DDX19A: variants seen among roughly 807,000 people sequenced by gnomAD.
DDX19A encodes DEAD-box helicase 19A, also known as ATP-dependent RNA helicase DDX19A.
Under a neutral mutation model 60.6 loss-of-function variants are expected in DDX19A, and 12 were observed. The ratio of observed to expected loss-of-function variants is 0.20; its 90% confidence interval spans 0.13 to 0.32. The LOEUF is 0.32. DDX19A is among the 10% of genes least tolerant of loss of function. The probability of loss-of-function intolerance (pLI) is 1.00; values close to 1 mark genes in which losing one functional copy is unlikely to be tolerated. For missense variants in DDX19A, 337 were observed against 600.6 expected (o/e 0.56, Z 4.59); for synonymous variants, 206 against 218.2 (o/e 0.94, Z 0.49).
intron 1 of DDX19A, among the ~76,000 whole-genome samples, chr16:70,347,476 G>T (rs1005997887): frequency 6.6e-6 from 1 of 152,130 alleles, no homozygotes; most frequent in Non-Finnish European, 1.5e-5. Flanking sequence ...TTGACTTTTG[G>T]ATTTAATACC....
chr16:70,368,931 A>T (rs748574552), intron 9 of DDX19A, among the ~76,000 whole-genome samples: 1 of 151,938 alleles, frequency 6.6e-6, no homozygotes, highest in South Asian at 2.1e-4. Context: ...CAGTGGTGCA[A>T]TCTCGGTTCA....
intron 3 of DDX19A, chr16:70,355,834 C>A: frequency 1.7e-6 from 1 of 577,542 alleles, no homozygotes; most frequent in Admixed American, 3.0e-5. Flanking sequence ...TGGTAGCACA[C>A]ACCTGTACTC....
In DDX19A at chr16:70,364,858, AC is replaced by A. The variant is rs575510689; in HGVS notation, c.490-157del. The A allele has an allele frequency of 4.3e-4, 291 of 680,714 alleles. 2 individuals carry two copies. The East Asian group carries it at 6.7e-3, about 16-fold the overall frequency. The allele number at this position is 680,714 out of a possible 1,614,324, so 42.2% of individuals were successfully genotyped here. A position where few individuals can be genotyped will look rare whatever the true frequency, so the allele number is the denominator to read the frequency against. Reference sequence around the variant, plus strand: ...CAAAGGCCTCTGCCAAGCCAGGGCTACCTGCTGCAGGCTTCAGTCTATGGCT... The same window carrying A: ...CAAAGGCCTCTGCCAAGCCAGGGCTACTGCTGCAGGCTTCAGTCTATGGCT... On this transcript the variant is annotated intron_variant, in intron 6 of 11. Coordinates refer to ENST00000302243, the MANE Select transcript of DDX19A (RefSeq NM_018332.5).
At chr16:70,369,601 CT>C (rs895324026) in intron 9 of DDX19A, among the ~76,000 whole-genome samples, 8 of 142,518 alleles carry the variant, frequency 5.6e-5, no homozygotes, top group Admixed American at 2.8e-4. Flanking sequence ...TATAAATTTT[CT>C]TTTTTTTTTC....
rs749593265 is a variant in DDX19A at position 70,371,962 on chromosome 16, C to T, written c.1413C>T (p.Asp471=). ...KIERLDTDDL[D]EIEKIAN ...AAAGATTGGACACAGATGATTTGGA[C>T]GAGATTGAGAAAATAGCCAACTGAG... Residue 471 remains aspartate (D), a synonymous_variant, in exon 12 of 12, where the codon GAC becomes GAT. Coordinates refer to ENST00000302243, the MANE Select transcript of DDX19A (RefSeq NM_018332.5). 35 of 1,613,824 alleles carry T rather than the reference C, an allele frequency of 2.2e-5. No homozygotes were observed. Among genetic ancestry groups the T allele is most frequent in the Admixed American group, 1.3e-4 (8 of 59,984 alleles).
intron 9 of DDX19A, among the ~76,000 whole-genome samples, chr16:70,367,098 C>G (rs1964542030): frequency 6.6e-6 from 1 of 152,088 alleles, no homozygotes; most frequent in East Asian, 1.9e-4. Context: ...TTGCACAACC[C>G]AAGAGAATCA....
chr16:70,369,369 G>A lies in DDX19A; in HGVS notation c.1021-854G>A, dbSNP rs143349008. On this transcript the variant is annotated intron_variant, in intron 9 of 11. Coordinates refer to ENST00000302243, the MANE Select transcript of DDX19A (RefSeq NM_018332.5). ...TAATTTTTGTATTTTTAGCAGAGAC[G>A]GGGTTTCACCATGTTGGTCAGGCTT... Among the ~76,000 whole-genome samples, 259 of 150,750 alleles carry A rather than the reference G, an allele frequency of 1.7e-3. 2 individuals are homozygous for A. Among genetic ancestry groups the A allele is most frequent in the Middle Eastern group, 6.8e-3 (2 of 292 alleles).
intron 1 of DDX19A, among the ~76,000 whole-genome samples, chr16:70,347,613 A>G (rs1963874712): frequency 6.6e-6 from 1 of 152,180 alleles, no homozygotes; most frequent in South Asian, 2.1e-4. Context: ...TACAGCATAC[A>G]CTGTGGCTTT....
At chr16:70,370,549 G>A (rs1964653526) in intron 10 of DDX19A, 164 bp downstream of exon 10, 4 of 1,193,944 alleles carry the variant, frequency 3.4e-6, no homozygotes, top group East Asian at 5.3e-5. Flanking sequence ...TCCCTGAGGT[G>A]GTAAGAACTC....
chr16:70,353,376 A>T (rs999025997), intron 2 of DDX19A, among the ~76,000 whole-genome samples: 2 of 151,714 alleles, frequency 1.3e-5, no homozygotes, highest in African/African-American at 4.8e-5. Flanking sequence ...GGCCTCGCAA[A>T]GTGCTAGGAT....
Position 70,372,373 on chromosome 16 carries a change from T to G in DDX19A, c.*387T>G, listed in dbSNP as rs549050081. ...TGTGCGGAAGAGGCTGAGTGGAAAA[T>G]GGTGTGAGCCCCACCGCTGTGCATC... On this transcript the variant is annotated 3_prime_UTR_variant, in exon 12 of 12. Transcript: ENST00000302243. 1.9e-5 allele frequency: 6 copies of G among 314,572 alleles called. No individual in the cohort carries two copies. The highest frequency in any genetic ancestry group is 1.9e-4 in the South Asian group (6 of 32,126). The allele number at this position is 314,572 out of a possible 1,614,324, so 19.5% of individuals were successfully genotyped here.
intron 2 of DDX19A, among the ~76,000 whole-genome samples, chr16:70,350,908 C>T (rs143635409): frequency 0.048 from 7,260 of 151,450 alleles, 229 homozygotes; most frequent in East Asian, 0.12. Context: ...GACGGAGTCT[C>T]GCTCTGTCGC....
intron 3 of DDX19A, chr16:70,355,772 G>A (rs1964166918): frequency 1.7e-6 from 1 of 584,664 alleles, no homozygotes; most frequent in African/African-American, 1.9e-5. Flanking sequence ...GACCAGCCTG[G>A]GCAACATACT....
intron 5 of DDX19A, 145 bp downstream of exon 5, chr16:70,361,655 G>C: frequency 1.6e-6 from 1 of 609,154 alleles, no homozygotes; most frequent in Non-Finnish European, 2.9e-6. Flanking sequence ...AGAGAGAATC[G>C]GATGGAGTTA....
intron 6 of DDX19A, 109 bp downstream of exon 6, chr16:70,364,754 C>CTCAG: frequency 1.2e-6 from 1 of 851,396 alleles, no homozygotes; most frequent in Non-Finnish European, 1.9e-6. Flanking sequence ...TAGGCTGTGG[C>CTCAG]TCAGGCAGAG....
At position 70,371,403 on chromosome 16, in the gene DDX19A, C is replaced by G. The variant is rs1176735373; in HGVS notation, c.1215C>G (p.Ile405Met). 2 of 1,613,456 alleles carry G rather than the reference C, an allele frequency of 1.2e-6. No individual in the cohort carries two copies. Among genetic ancestry groups the G allele is most frequent in the East Asian group, 4.5e-5 (2 of 44,878 alleles). Residue 405 changes from isoleucine to methionine, a missense_variant, in exon 11 of 12, where the codon ATC (isoleucine) becomes ATG (methionine). Ile to Met is a conservative substitution (Grantham distance 10, BLOSUM62 1). Around this residue, in one of 6 missense-constraint regions of DDX19A, gnomAD observed 117 missense variants for 274.3 expected, o/e 0.43. Transcript: ENST00000302243. ...GIDVEQVSVV[I>M]NFDLPVDKDG... ...ATGTTGAACAAGTGTCTGTCGTCAT[C>G]AACTTTGATCTTCCCGTGGACAAGG...
rs750658213 is a variant in DDX19A, at chr16:70,361,525, G to A, written c.386+15G>A. On this transcript the variant is annotated intron_variant, in intron 5 of 11. Coordinates refer to ENST00000302243, the MANE Select transcript of DDX19A (RefSeq NM_018332.5). Reference sequence around the variant, plus strand: ...CTTGCTGAACCGTGAGTATGCAGATGAAGCGCATCTCACCCAGTGTGATTA... The same window carrying A: ...CTTGCTGAACCGTGAGTATGCAGATAAAGCGCATCTCACCCAGTGTGATTA... The A allele has an allele frequency of 2.5e-6, 4 of 1,582,144 alleles. No individual in the cohort carries two copies. The Admixed American group carries it at 6.8e-5, about 27-fold the overall frequency.
Position 70,355,014 on chromosome 16 carries a change from A to T in DDX19A, c.107-471A>T, listed in dbSNP as rs1027803057. ...GAGACCCTGTCTCAAAAAAAAAAAAATTTCTAGAAATAAAAATTCACTAAA... is the reference window on the plus strand; with the variant it reads ...GAGACCCTGTCTCAAAAAAAAAAAATTTTCTAGAAATAAAAATTCACTAAA... On this transcript the variant is annotated intron_variant, in intron 2 of 11. Coordinates refer to ENST00000302243, the MANE Select transcript of DDX19A (RefSeq NM_018332.5). 9.9e-5 allele frequency among the ~76,000 whole-genome samples: 15 copies of T among 151,996 alleles called. No individual in the cohort carries two copies. In the South Asian group the frequency reaches 1.2e-3, roughly 13 times the overall value.
chr16:70,371,304 C>A (rs1964681117), intron 10 of DDX19A, 68 bp from the exon 11 acceptor site: 1 of 1,613,994 alleles, frequency 6.2e-7, no homozygotes, highest in African/African-American at 1.3e-5. Flanking sequence ...CATTGACCTA[C>A]CTATGGATGA....
Sources: gnomAD v4.1 joint callset for allele counts (sites outside exome capture counted in the v4.1 genomes callset) on GRCh38, gnomAD v4.1.1 for gene constraint, gnomAD v4.1.1 regional missense constraint, MANE v1.5 for transcripts, NCBI Gene and HGNC (gene_info 2026-07-23, HGNC 2026-07-21) for gene names.